Variants in COL2A1 observed in about 807,000 individuals in gnomAD.
The protein encoded by COL2A1 is collagen alpha-1(II) chain.
COL2A1 carries 28 observed loss-of-function variants against 204.5 expected under a neutral mutation model. That is an observed-to-expected ratio of 0.14 (90% CI 0.10 to 0.19). The LOEUF is 0.19. COL2A1 is among the 10% of genes least tolerant of loss of function. COL2A1 has a pLI of 1.00. For missense variants in COL2A1, 1,388 were observed against 2,027.5 expected (o/e 0.68, Z 6.06); for synonymous variants, 708 against 718.7 (o/e 0.99, Z 0.24).
In COL2A1 at chr12:47,986,549, G is replaced by GGGT. The variant is rs1555167315; in HGVS notation, c.1420-107_1420-106insACC. The stretch of plus-strand genomic sequence containing the variant: ...TAGCCTTGGCAACTGTTTCAGGGCT[G>GGGT]GGGGGGGGCTTGAGGACGAGAGGCC... On this transcript the variant is annotated intron_variant, in intron 22 of 53. Coordinates refer to ENST00000380518, the MANE Select transcript of COL2A1 (RefSeq NM_001844.5). The GGGT allele has an allele frequency of 4.4e-6, 3 of 682,534 alleles. No homozygotes were observed. The African/African-American group carries it at 6.0e-5, about 14-fold the overall frequency. The allele number at this position is 682,534 out of a possible 1,614,324, so 42.3% of individuals were successfully genotyped here. A position where few individuals can be genotyped will look rare whatever the true frequency, so the allele number is the denominator to read the frequency against.
At chr12:47,985,615 G>C in intron 25 of COL2A1, 28 bp from the exon 26 acceptor site, 1 of 1,613,612 alleles carries the variant, frequency 6.2e-7, no homozygotes, top group Non-Finnish European at 8.5e-7. Flanking sequence ...AAGAGGGTGG[G>C]GTCAGGAGCC....
At position 47,986,877 on chromosome 12, in the gene COL2A1, A is replaced by G. The variant is rs898071484; in HGVS notation, c.1377T>C (p.Gly459=). 8.7e-6 allele frequency: 14 copies of G among 1,613,990 alleles called. No individual in the cohort carries two copies. In the African/African-American group the frequency reaches 1.9e-4, roughly 22 times the overall value. ...CTTGTTCACCTTTGAAGCCAGCAATACCAGGTTCACCCTTGAAAAGAGAGG... is the reference window on the plus strand; with the variant it reads ...CTTGTTCACCTTTGAAGCCAGCAATGCCAGGTTCACCCTTGAAAAGAGAGG... ...LGPKGQTGEP[G]IAGFKGEQGP... The change falls in exon 22 of 54, where the codon GGT becomes GGC. Residue 459 remains glycine, a synonymous_variant. Transcript: ENST00000380518.
chr12:47,998,122 A>T (rs1940051008), intron 4 of COL2A1, 47 bp downstream of exon 4: 1 of 1,614,086 alleles, frequency 6.2e-7, no homozygotes, highest in Non-Finnish European at 8.5e-7. Flanking sequence ...GAAATGACCC[A>T]TTTAGAGCAG....
At position 47,976,090 on chromosome 12, in the gene COL2A1, T is replaced by C. The variant is rs1299333725; in HGVS notation, c.3490-20A>G. 6.3e-7 allele frequency: 1 copy of C among 1,578,058 alleles called. No homozygotes were observed. The highest frequency in any genetic ancestry group is 8.7e-7 in the Non-Finnish European group (1 of 1,147,258). ...AGGACCCTGCAAGAGAGAGAGGTCG[T>C]GAGGAAAGAGTGGTCACCACAGGGA... On this transcript the variant is annotated intron_variant, in intron 49 of 53. Coordinates refer to ENST00000380518, the MANE Select transcript of COL2A1 (RefSeq NM_001844.5). The surrounding 1 kb of genome is among the most constrained non-coding windows in gnomAD (Gnocchi z 4.3).
At chr12:47,999,634 ATTTTT>A (rs10708850) in intron 2 of COL2A1, 170 of 156,208 alleles carry the variant, frequency 1.1e-3, no homozygotes, top group Non-Finnish European at 1.6e-3. Flanking sequence ...TTCAGAGAGG[ATTTTT>A]TTTTTTTTTT....
intron 16 of COL2A1, among the ~76,000 whole-genome samples, chr12:47,990,702 T>C (rs1275162326): frequency 6.6e-6 from 1 of 152,256 alleles, no homozygotes; most frequent in Non-Finnish European, 1.5e-5. Flanking sequence ...AAGAGGCTTT[T>C]GCTTACAAAG....
chr12:48,000,960 T>G (rs1940206126), intron 1 of COL2A1: 1 of 152,228 alleles, frequency 6.6e-6, no homozygotes, highest in Admixed American at 6.5e-5. Flanking sequence ...GCACCCCAGT[T>G]TGGGGAGCAG....
At chr12:47,983,189 C>T (rs773776902) in intron 31 of COL2A1, 52 bp from the exon 32 acceptor site, 51 of 1,587,636 alleles carry the variant, frequency 3.2e-5, no homozygotes, top group Non-Finnish European at 4.2e-5. Flanking sequence ...TCACAGACCC[C>T]TGAACAATTC....
intron 23 of COL2A1, 42 bp downstream of exon 23, chr12:47,986,294 G>A (rs946440280): frequency 1.5e-6 from 2 of 1,317,158 alleles, no homozygotes; most frequent in Non-Finnish European, 2.1e-6. Context: ...TCCCTCTCGA[G>A]GTCACAGGCC....
chr12:47,987,393 G>A lies in COL2A1; in HGVS notation c.1222-80C>T. 1 of 1,459,938 alleles carries A rather than the reference G, an allele frequency of 6.8e-7. No homozygotes were observed. Among genetic ancestry groups the A allele is most frequent in the Non-Finnish European group, 9.6e-7 (1 of 1,045,154 alleles). 90.4% of individuals were successfully genotyped at this position (1,459,938 alleles called of 1,614,324 possible). ...CAGCCCTCCAGGATCCAGATCCAGGGACCTGGCATAGGTGCTGTCCATTTC... is the reference window on the plus strand; with the variant it reads ...CAGCCCTCCAGGATCCAGATCCAGGAACCTGGCATAGGTGCTGTCCATTTC... On this transcript the variant is annotated intron_variant, in intron 19 of 53. Coordinates refer to ENST00000380518, the MANE Select transcript of COL2A1 (RefSeq NM_001844.5). The surrounding 1 kb of genome is among the most constrained non-coding windows in gnomAD (Gnocchi z 4.1).
At chr12:47,996,412 G>A in intron 8 of COL2A1, 136 bp downstream of exon 8, 4 of 811,584 alleles carry the variant, frequency 4.9e-6, no homozygotes, top group East Asian at 4.9e-5. Context: ...TGGGCTAGCT[G>A]AATGGGAGGT....
Position 47,997,942 on chromosome 12 carries a change from G to A in COL2A1, c.376-18C>T, listed in dbSNP as rs779179434. 56 of 1,614,040 alleles carry A rather than the reference G, an allele frequency of 3.5e-5. No individual in the cohort carries two copies. The highest frequency in any genetic ancestry group is 4.5e-5 in the Non-Finnish European group (53 of 1,180,044). ...GCAGGTCCCTGAAGGTGAAGAACAT[G>A]GTAAGATGACAGCAAGGCCAGGAGC... On this transcript the variant is annotated intron_variant, in intron 5 of 53. Transcript: ENST00000380518.
In COL2A1 at chr12:47,973,276, G is replaced by A. The variant is rs886049442; in HGVS notation, c.*131C>T. ...AAGAGAGGGGAGAAAAGTCCGAACT[G>A]TGAGAGGGTGGGATGAATGGACATC... On this transcript the variant is annotated 3_prime_UTR_variant, in exon 54 of 54. Transcript: ENST00000380518. The A allele has an allele frequency of 2.7e-5, 33 of 1,224,988 alleles. No individual in the cohort carries two copies. The highest frequency in any genetic ancestry group is 4.0e-5 in the Non-Finnish European group (33 of 825,706). 75.9% of individuals were successfully genotyped at this position (1,224,988 alleles called of 1,614,324 possible). A position where few individuals can be genotyped will look rare whatever the true frequency, so the allele number is the denominator to read the frequency against.
At position 47,976,129 on chromosome 12, in the gene COL2A1, G is replaced by C. The variant is rs777567065; in HGVS notation, c.3490-59C>G. On this transcript the variant is annotated intron_variant, in intron 49 of 53. Transcript: ENST00000380518. The surrounding 1 kb of genome is among the most constrained non-coding windows in gnomAD (Gnocchi z 4.3). Reference sequence around the variant, plus strand: ...TCACCACAGGGAAGGCTGGGGAGTCGCTGGGGCTGGGTAGGTGGCTGTCCT... The same window carrying C: ...TCACCACAGGGAAGGCTGGGGAGTCCCTGGGGCTGGGTAGGTGGCTGTCCT... 8.1e-7 allele frequency: 1 copy of C among 1,241,946 alleles called. No individual in the cohort carries two copies. Among genetic ancestry groups the C allele is most frequent in the East Asian group, 2.3e-5 (1 of 43,178 alleles). The allele number at this position is 1,241,946 out of a possible 1,614,324, so 76.9% of individuals were successfully genotyped here.
At position 47,983,431 on chromosome 12, in the gene COL2A1, G is replaced by A. The variant is rs1259744514; in HGVS notation, c.2003C>T (p.Pro668Leu). 1 of 1,614,118 alleles carries A rather than the reference G, an allele frequency of 6.2e-7. No individual in the cohort carries two copies. Among genetic ancestry groups the A allele is most frequent in the Non-Finnish European group, 8.5e-7 (1 of 1,179,986 alleles). The change falls in exon 31 of 54, where the codon CCT becomes CTT. Residue 668 changes from proline (P) to leucine (L), a missense_variant. This residue lies in a region of COL2A1 where 884 missense variants were observed against 1,415.8 expected (regional missense o/e 0.62). Transcript: ENST00000380518. ...TTCACCTGGGGGACCAGGAGGGCCA[G>A]GAAGTCCCTAGAAGCCGAAGTGACA... Reference protein sequence around the residue: ...APGPSGFQGLPGPPGPPGEGG... With the variant: ...APGPSGFQGLLGPPGPPGEGG...
chr12:47,996,070 A>T (rs1592233192), intron 8 of COL2A1, 151 bp from the exon 9 acceptor site: 1 of 672,730 alleles, frequency 1.5e-6, no homozygotes, highest in East Asian at 2.7e-5. Flanking sequence ...CTCATTTCCC[A>T]CTCCCCACGC....
At chr12:47,983,330 C>A in intron 31 of COL2A1, 55 bp downstream of exon 31, 1 of 1,591,786 alleles carries the variant, frequency 6.3e-7, no homozygotes, top group Non-Finnish European at 8.6e-7. Context: ...TCCTAGGCAT[C>A]AGAAAAGACC....
chr12:47,984,808 C>A (rs140231148), intron 27 of COL2A1, among the ~76,000 whole-genome samples, 187 bp downstream of exon 27: 1 of 152,214 alleles, frequency 6.6e-6, no homozygotes, highest in African/African-American at 2.4e-5. Flanking sequence ...CGCAATGCCC[C>A]GAGGCTCTGT....
chr12:47,982,059 G>C, intron 35 of COL2A1, 48 bp downstream of exon 35: 1 of 1,586,352 alleles, frequency 6.3e-7, no homozygotes, highest in Non-Finnish European at 8.7e-7. Flanking sequence ...CCTGGGTGCA[G>C]GGCTAGGATC....
Sources: allele counts gnomAD v4.1 joint callset (sites outside exome capture counted in the v4.1 genomes callset), GRCh38; gene constraint gnomAD v4.1.1; regional missense constraint gnomAD v4.1.1; non-coding constraint Gnocchi (gnomAD v3.1); transcripts MANE v1.5; gene names NCBI Gene and HGNC (gene_info 2026-07-23, HGNC 2026-07-21).